Variants in NXPH1 observed in about 807,000 individuals in gnomAD.
The protein encoded by NXPH1 is neurexophilin 1, also known as neurexophilin-1.
NXPH1 carries 5 observed loss-of-function variants against 23.7 expected under a neutral mutation model. That is an observed-to-expected ratio of 0.21 (90% CI 0.11 to 0.44). The LOEUF (loss-of-function observed/expected upper bound fraction) is 0.44, where lower values mean the gene tolerates loss of function less well. NXPH1 is among the 20% of genes least tolerant of loss of function. The pLI is 0.99. For missense variants in NXPH1, 324 were observed against 321.6 expected, an observed-to-expected ratio of 1.01 and a Z score of -0.06; for synonymous variants, 144 against 122.2, an observed-to-expected ratio of 1.18 and a Z score of -1.18.
At chr7:8,624,457 A>C (rs1344423175) in intron 2 of NXPH1, among the ~76,000 whole-genome samples, 1 of 152,098 alleles carries the variant, frequency 6.6e-6, no homozygotes, top group Non-Finnish European at 1.5e-5. Flanking sequence ...TGAGTAAAGA[A>C]GTGTGCAAAA....
intron 2 of NXPH1, among the ~76,000 whole-genome samples, chr7:8,550,287 G>T (rs551577468): frequency 1.3e-5 from 2 of 151,640 alleles, no homozygotes; most frequent in South Asian, 4.1e-4. Context: ...AACATGAAAC[G>T]CCTGGGGGCA....
chr7:8,672,426 T>C (rs1332838676), intron 2 of NXPH1, among the ~76,000 whole-genome samples: 1 of 151,730 alleles, frequency 6.6e-6, no homozygotes, highest in Non-Finnish European at 1.5e-5. Context: ...CATATGTAAC[T>C]AACCTGCACA....
chr7:8,680,877 A>G (rs542052239), intron 2 of NXPH1, among the ~76,000 whole-genome samples: 170 of 152,366 alleles, frequency 1.1e-3, no homozygotes, highest in African/African-American at 4.0e-3. Flanking sequence ...AATTTCTATT[A>G]ACAGAATATT....
intron 2 of NXPH1, among the ~76,000 whole-genome samples, chr7:8,529,448 T>C (rs1817918217): frequency 6.6e-6 from 1 of 151,968 alleles, no homozygotes; most frequent in Non-Finnish European, 1.5e-5. Context: ...GAAAGGACAG[T>C]AGAGATAAGG....
intron 2 of NXPH1, among the ~76,000 whole-genome samples, chr7:8,730,128 T>A (rs71534612): frequency 6.7e-6 from 1 of 150,002 alleles, no homozygotes; most frequent in Non-Finnish European, 1.5e-5. Context: ...CTTTGTTGGT[T>A]TAAAGTCTGT....
intron 2 of NXPH1, among the ~76,000 whole-genome samples, chr7:8,507,696 T>A (rs1817552618): frequency 6.6e-6 from 1 of 152,082 alleles, no homozygotes; most frequent in South Asian, 2.1e-4. Context: ...AGTGTTACAT[T>A]AGAAAGATAA....
chr7:8,661,481 A>G (rs1820672112), intron 2 of NXPH1, among the ~76,000 whole-genome samples: 1 of 152,114 alleles, frequency 6.6e-6, no homozygotes. Flanking sequence ...TTGGGCTTTT[A>G]GCAGCCTGAA....
intron 2 of NXPH1, among the ~76,000 whole-genome samples, chr7:8,559,767 A>C (rs976482571): frequency 6.6e-6 from 1 of 151,702 alleles, no homozygotes; most frequent in Non-Finnish European, 1.5e-5. Flanking sequence ...ATAGACATGG[A>C]TTTCAGTCAT....
chr7:8,472,950 T>G (rs1011971545), intron 2 of NXPH1, among the ~76,000 whole-genome samples: 6 of 152,148 alleles, frequency 3.9e-5, no homozygotes, highest in Admixed American at 3.9e-4. Context: ...TCCAACAATA[T>G]GGCCAATCTA....
intron 2 of NXPH1, among the ~76,000 whole-genome samples, chr7:8,590,300 C>A (rs1819065136): frequency 6.6e-6 from 1 of 152,056 alleles, no homozygotes; most frequent in Non-Finnish European, 1.5e-5. Context: ...TAGGTCTAGG[C>A]TACCAGGTAA....
chr7:8,625,142 C>CT (rs1562432722), intron 2 of NXPH1, among the ~76,000 whole-genome samples: 1 of 152,062 alleles, frequency 6.6e-6, no homozygotes, highest in Non-Finnish European at 1.5e-5. Flanking sequence ...TTATCCTATT[C>CT]TTTTTTTGGC....
At chr7:8,609,172 A>G (rs1266033536) in intron 2 of NXPH1, among the ~76,000 whole-genome samples, 2 of 152,180 alleles carry the variant, frequency 1.3e-5, no homozygotes, top group African/African-American at 4.8e-5. Flanking sequence ...TGGCTTTCTT[A>G]TTCTACAGAT....
intron 2 of NXPH1, among the ~76,000 whole-genome samples, chr7:8,537,361 G>A (rs1456687171): frequency 6.6e-6 from 1 of 151,944 alleles, no homozygotes; most frequent in African/African-American, 2.4e-5. Flanking sequence ...AAAGGAAAGA[G>A]GTTTAATTGA....
chr7:8,651,100 C>T (rs2115152163), intron 2 of NXPH1, among the ~76,000 whole-genome samples: 1 of 150,118 alleles, frequency 6.7e-6, no homozygotes, highest in East Asian at 2.0e-4. Flanking sequence ...TTAGGTATAT[C>T]TCCCAATGCT....
At chr7:8,445,353 T>C (rs1816382459) in intron 2 of NXPH1, among the ~76,000 whole-genome samples, 1 of 152,180 alleles carries the variant, frequency 6.6e-6, no homozygotes, top group Admixed American at 6.5e-5. Flanking sequence ...TACCACTCAC[T>C]GGAAATGTAC....
rs116818544 is a variant in NXPH1, at chr7:8,528,088, G to A, written c.54+92321G>A. On this transcript the variant is annotated intron_variant, in intron 2 of 2. Transcript: ENST00000405863. Reference sequence around the variant, plus strand: ...CCAAAAGCACAATAACCGATGGTTCGAATGAGAGAGAGGAGCTGTGGAAGT... The same window carrying A: ...CCAAAAGCACAATAACCGATGGTTCAAATGAGAGAGAGGAGCTGTGGAAGT... Among the ~76,000 whole-genome samples the A allele has an allele frequency of 8.7e-3, 1,322 of 152,320 alleles. 17 individuals carry two copies. The highest frequency in any genetic ancestry group is 0.03 in the African/African-American group (1,241 of 41,572).
intron 2 of NXPH1, among the ~76,000 whole-genome samples, chr7:8,562,387 C>T (rs887948934): frequency 6.6e-6 from 1 of 151,684 alleles, no homozygotes; most frequent in African/African-American, 2.4e-5. Context: ...AAAAGAGATA[C>T]CTTACAAAAG....
intron 2 of NXPH1, among the ~76,000 whole-genome samples, chr7:8,594,429 T>C (rs960152242): frequency 6.6e-6 from 1 of 152,078 alleles, no homozygotes; most frequent in African/African-American, 2.4e-5. Context: ...TTACCCTGTT[T>C]AGAAGTCTGG....
intron 2 of NXPH1, among the ~76,000 whole-genome samples, chr7:8,653,156 G>T (rs12532698): frequency 0.037 from 5,615 of 151,440 alleles, 306 homozygotes; most frequent in East Asian, 0.17. Context: ...AAAAATGACT[G>T]CTCTTGCAAA....
Sources: allele counts gnomAD v4.1 joint callset (sites outside exome capture counted in the v4.1 genomes callset), GRCh38; gene constraint gnomAD v4.1.1; transcripts MANE v1.5; gene names NCBI Gene and HGNC (gene_info 2026-07-23, HGNC 2026-07-21).